SYCP2: variants seen among roughly 807,000 people sequenced by gnomAD.
SYCP2 encodes the protein synaptonemal complex lateral element protein.
Under a neutral mutation model 211.3 loss-of-function variants are expected in SYCP2, and 55 were observed. That is an observed-to-expected ratio of 0.26 (90% confidence interval 0.21 to 0.33). SYCP2 has a LOEUF of 0.33. Ranked by LOEUF, SYCP2 falls within the 10% of genes least tolerant of loss-of-function variation. The probability of loss-of-function intolerance (pLI) is 1.00; values close to 1 mark genes in which losing one functional copy is unlikely to be tolerated. For missense variants in SYCP2, 1,731 were observed against 1,752.0 expected (o/e 0.99, Z 0.21); for synonymous variants, 570 against 555.2 (o/e 1.03, Z -0.37).
intron 29 of SYCP2, 39 bp downstream of exon 29, chr20:59,881,398 A>G: frequency 9.0e-7 from 1 of 1,116,872 alleles, no homozygotes; most frequent in East Asian, 2.7e-5. Context: ...TAAGAGAAAA[A>G]AAAAGATCAG....
Position 59,895,498 on chromosome 20 carries a change from T to C in SYCP2, c.1604A>G (p.Asn535Ser). The change falls in exon 20 of 45, where the codon AAT becomes AGT. Residue 535 changes from asparagine to serine, a missense_variant. By Grantham distance (46) the Asn-to-Ser change is conservative. This residue lies in a region of SYCP2 where 1,387 missense variants were observed against 1,351.3 expected (regional missense o/e 1.03). Transcript: ENST00000357552. ...TGATCTAGATTTCAGTGATGCAGCA[T>C]TATCCACTCTATTTTCTGATGTTTG... ...VSQTSENRVD[N>S]AASLKSRSSE... 1 of 1,613,234 alleles carries C rather than the reference T, an allele frequency of 6.2e-7. No homozygotes were observed. Among genetic ancestry groups the C allele is most frequent in the Non-Finnish European group, 8.5e-7 (1 of 1,179,410 alleles).
chr20:59,883,998 C>A (rs1314276223), intron 26 of SYCP2, among the ~76,000 whole-genome samples: 1 of 151,940 alleles, frequency 6.6e-6, no homozygotes, highest in African/African-American at 2.4e-5. Context: ...TAAATACATA[C>A]AATAAAAAAA....
rs2059692728 is a variant in SYCP2, at chr20:59,881,991, T to G, written c.2612A>C (p.Tyr871Ser). ...ATCAGCTCCATTCAAATTAAAATTG[T>G]AAACATCATTCCTGTGAAAATGAAG... ...VTSECPVNDV[Y>S]NFNLNGADDP... Residue 871 changes from tyrosine (Y) to serine (S), a missense_variant, in exon 28 of 45, where the codon TAC (tyrosine) becomes TCC (serine). By Grantham distance (144) the Tyr-to-Ser change is moderately radical. Transcript: ENST00000357552. 9.3e-6 allele frequency: 15 copies of G among 1,613,058 alleles called. No homozygotes were observed. Among genetic ancestry groups the G allele is most frequent in the Non-Finnish European group, 1.2e-5 (14 of 1,179,404 alleles).
intron 2 of SYCP2, among the ~76,000 whole-genome samples, chr20:59,929,718 G>A (rs1413578886): frequency 6.6e-6 from 1 of 151,948 alleles, no homozygotes; most frequent in Non-Finnish European, 1.5e-5. Context: ...GTGTATATCT[G>A]TGTAACACCA....
At chr20:59,902,203 T>G (rs144266252) in intron 15 of SYCP2, among the ~76,000 whole-genome samples, 82 of 152,208 alleles carry the variant, frequency 5.4e-4, no homozygotes, top group African/African-American at 1.9e-3. Flanking sequence ...CATACACATA[T>G]AAACATTTCT....
chr20:59,887,149 C>G (rs900290878), intron 24 of SYCP2, among the ~76,000 whole-genome samples: 1 of 152,052 alleles, frequency 6.6e-6, no homozygotes, highest in Non-Finnish European at 1.5e-5. Flanking sequence ...TATCCCTCCC[C>G]CCTTCCCCTA....
rs369722517 is a variant in SYCP2, at chr20:59,866,463, A to C, written c.4220+32T>G. The C allele has an allele frequency of 6.9e-6, 11 of 1,584,402 alleles. No individual in the cohort carries two copies. The East Asian group carries it at 2.2e-4, about 32-fold the overall frequency. Reference sequence around the variant, plus strand: ...CAGAATATAGGAATATGTAGCATTCAAAAGTTTTCAGAACAGATTTTTATT... The same window carrying C: ...CAGAATATAGGAATATGTAGCATTCCAAAGTTTTCAGAACAGATTTTTATT... On this transcript the variant is annotated intron_variant, in intron 40 of 44. Transcript: ENST00000357552.
Position 59,892,339 on chromosome 20 carries a change from T to A in SYCP2, c.2015A>T (p.Tyr672Phe). The A allele has an allele frequency of 6.2e-7, 1 of 1,605,986 alleles. No individual in the cohort carries two copies. The highest frequency in any genetic ancestry group is 1.1e-5 in the South Asian group (1 of 90,798). ...GATATGGTCGGTTTGTTCTTTCTTA[T>A]ATTTCACTTTTCCTGTTCCTTCAGA... is the stretch of plus-strand genomic sequence containing the variant. ...HNSEGTGKVK[Y>F]KKEQTDHIKI... Residue 672 changes from tyrosine to phenylalanine, a missense_variant, in exon 24 of 45, where the codon TAT becomes TTT. Tyr to Phe is a conservative substitution (Grantham distance 22). Transcript: ENST00000357552.
rs896008416 is a variant in SYCP2, at chr20:59,890,058, C to G, written c.2364+1932G>C. On this transcript the variant is annotated intron_variant, in intron 24 of 44. Coordinates refer to ENST00000357552, the MANE Select transcript of SYCP2 (RefSeq NM_014258.4). ...GCAATCCCATTACTGGGTATATACC[C>G]AAAGGATTATAAATCATTCTACTAT... Among the ~76,000 whole-genome samples, 9 of 152,158 alleles carry G rather than the reference C, an allele frequency of 5.9e-5. No individual in the cohort carries two copies. The South Asian group carries it at 1.0e-3, about 18-fold the overall frequency.
chr20:59,877,570 T>A lies in SYCP2; in HGVS notation c.2980-15A>T. 6.4e-7 allele frequency: 1 copy of A among 1,573,312 alleles called. No homozygotes were observed. Among genetic ancestry groups the A allele is most frequent in the Non-Finnish European group, 8.6e-7 (1 of 1,167,806 alleles). ...TTACTGGGTGTCTTTAGGAGAAAAA[T>A]TCCTGAATATTAGATCAATATTTGA... On this transcript the variant is annotated splice_polypyrimidine_tract_variant and intron_variant, in intron 32 of 44. Coordinates refer to ENST00000357552, the MANE Select transcript of SYCP2 (RefSeq NM_014258.4).
At chr20:59,908,813 C>G (rs367693841) in intron 14 of SYCP2, among the ~76,000 whole-genome samples, 1 of 152,044 alleles carries the variant, frequency 6.6e-6, no homozygotes, top group African/African-American at 2.4e-5. Flanking sequence ...TTCCTTCAAC[C>G]TCTCCCTATC....
chr20:59,916,787 C>T (rs774540806), intron 7 of SYCP2, among the ~76,000 whole-genome samples: 26 of 151,988 alleles, frequency 1.7e-4, no homozygotes, highest in South Asian at 8.3e-4. Context: ...AAAAATTAGC[C>T]GGGCACCTGT....
At position 59,921,316 on chromosome 20, in the gene SYCP2, T is replaced by C. The variant is rs759339768; in HGVS notation, c.162A>G (p.Ile54Met). Reference sequence around the variant, plus strand: ...AGCAAAAATGAATATTTACCCTGCATATAAGGTTGTCCACCTTGTGGAAAA... The same window carrying C: ...AGCAAAAATGAATATTTACCCTGCACATAAGGTTGTCCACCTTGTGGAAAA... ...KQFFHKVDNL[I>M]CRELNKEDIH... is the part of the protein sequence containing the mutation. The change falls in exon 4 of 45, where the codon ATA (isoleucine) becomes ATG (methionine). Residue 54 changes from isoleucine (I) to methionine (M), a missense_variant. Coordinates refer to ENST00000357552, the MANE Select transcript of SYCP2 (RefSeq NM_014258.4). The C allele has an allele frequency of 3.8e-6, 6 of 1,599,572 alleles. No homozygotes were observed. The highest frequency in any genetic ancestry group is 4.3e-6 in the Non-Finnish European group (5 of 1,172,586).
intron 15 of SYCP2, among the ~76,000 whole-genome samples, chr20:59,906,060 G>A (rs761641742): frequency 2.0e-5 from 3 of 152,030 alleles, no homozygotes; most frequent in East Asian, 3.8e-4. Context: ...ACTATGAAAC[G>A]CTGTTGAGAG....
At chr20:59,874,652 G>A (rs938303020) in intron 34 of SYCP2, among the ~76,000 whole-genome samples, 1 of 151,948 alleles carries the variant, frequency 6.6e-6, no homozygotes, top group Non-Finnish European at 1.5e-5. Context: ...TTTAAGTCTT[G>A]TATTTTAACT....
rs201510701 is a variant in SYCP2 at position 59,897,812 on chromosome 20, A to AGT, written c.1405-1286_1405-1285dup. On this transcript the variant is annotated intron_variant, in intron 18 of 44. Transcript: ENST00000357552. ...AGAAATCAAAAAATGGGCCGGGTGC[A>AGT]GTGGCTCATGCCTGTAATCCCAGCA... Among the ~76,000 whole-genome samples, 832 of 152,248 alleles carry AGT rather than the reference A, an allele frequency of 5.5e-3. 6 individuals are homozygous for AGT. The highest frequency in any genetic ancestry group is 6.8e-3 in the Admixed American group (104 of 15,276).
intron 31 of SYCP2, among the ~76,000 whole-genome samples, chr20:59,879,912 A>T (rs1301640475): frequency 3.4e-5 from 5 of 148,392 alleles, no homozygotes; most frequent in African/African-American, 1.2e-4. Flanking sequence ...ATACACACAC[A>T]CACAAATGTA....
intron 41 of SYCP2, 118 bp from the exon 42 acceptor site, chr20:59,865,983 T>G: frequency 2.2e-6 from 1 of 460,068 alleles, no homozygotes; most frequent in Non-Finnish European, 3.7e-6. Context: ...TCTATTTCTA[T>G]TATTACAAAT....
rs146651340 is a variant in SYCP2 at position 59,913,865 on chromosome 20, T to C, written c.830+110A>G. On this transcript the variant is annotated intron_variant, in intron 12 of 44. Coordinates refer to ENST00000357552, the MANE Select transcript of SYCP2 (RefSeq NM_014258.4). ...TCTATGCACATTCTACACTCCAACATAGTGTAGAGAACAAGAATAAAGTTA... is the reference window on the plus strand; with the variant it reads ...TCTATGCACATTCTACACTCCAACACAGTGTAGAGAACAAGAATAAAGTTA... 6.3e-5 allele frequency: 45 copies of C among 708,850 alleles called. No individual in the cohort carries two copies. In the East Asian group the frequency reaches 1.0e-3, roughly 16 times the overall value. 43.9% of individuals were successfully genotyped at this position (708,850 alleles called of 1,614,324 possible). A position where few individuals can be genotyped will look rare whatever the true frequency, so the allele number is the denominator to read the frequency against.
Sources: allele counts gnomAD v4.1 joint callset (sites outside exome capture counted in the v4.1 genomes callset), GRCh38; gene constraint gnomAD v4.1.1; regional missense constraint gnomAD v4.1.1; transcripts MANE v1.5; gene names NCBI Gene and HGNC (gene_info 2026-07-23, HGNC 2026-07-21).